KIAA1328: variants seen among roughly 807,000 people sequenced by gnomAD.
KIAA1328 encodes KIAA1328.
Under a neutral mutation model 68.1 loss-of-function variants are expected in KIAA1328, and 52 were observed. That is an observed-to-expected ratio of 0.76 (90% confidence interval 0.61 to 0.96). The LOEUF (loss-of-function observed/expected upper bound fraction) is 0.96, where lower values mean the gene tolerates loss of function less well. Among genes scored for constraint, KIAA1328 ranks in the 40% least tolerant of loss-of-function variants. The pLI, the probability that KIAA1328 is intolerant of heterozygous loss-of-function variation, is 0.00. For synonymous variants in KIAA1328, 232 were observed against 239.4 expected, an observed-to-expected ratio of 0.97 and a Z score of 0.28; for missense variants, 641 against 677.6, an observed-to-expected ratio of 0.95 and a Z score of 0.60.
intron 5 of KIAA1328, among the ~76,000 whole-genome samples, chr18:36,892,310 A>G (rs747148021): frequency 1.3e-5 from 2 of 152,182 alleles, no homozygotes; most frequent in Non-Finnish European, 2.9e-5. Flanking sequence ...CAGATGTTCT[A>G]GTCTTTGAAA....
chr18:37,080,498 C>T (rs956609614), intron 7 of KIAA1328, among the ~76,000 whole-genome samples: 2 of 152,130 alleles, frequency 1.3e-5, no homozygotes, highest in Non-Finnish European at 1.5e-5. Flanking sequence ...CATGCTGGGC[C>T]GGGCGCGGTG....
At chr18:37,092,369 T>C (rs1406973914) in intron 7 of KIAA1328, among the ~76,000 whole-genome samples, 1 of 151,894 alleles carries the variant, frequency 6.6e-6, no homozygotes, top group African/African-American at 2.4e-5. Flanking sequence ...TCAGCCTGTG[T>C]ATTGACCCAC....
chr18:37,101,378 C>G (rs2057610363), intron 7 of KIAA1328, among the ~76,000 whole-genome samples: 1 of 152,122 alleles, frequency 6.6e-6, no homozygotes, highest in South Asian at 2.1e-4. Context: ...ATGCACAAGC[C>G]TCAGTAGCCG....
chr18:36,835,910 C>A (rs573387858), intron 3 of KIAA1328, among the ~76,000 whole-genome samples: 1 of 152,156 alleles, frequency 6.6e-6, no homozygotes, highest in African/African-American at 2.4e-5. Flanking sequence ...GATGTCTACA[C>A]AAAACTTGTA....
intron 7 of KIAA1328, among the ~76,000 whole-genome samples, chr18:37,118,957 G>C (rs2058196131): frequency 6.6e-6 from 1 of 152,178 alleles, no homozygotes; most frequent in Admixed American, 6.5e-5. Context: ...TCTTCAGAAA[G>C]ACATTTCACC....
chr18:37,127,046 A>T (rs567166888), intron 7 of KIAA1328, among the ~76,000 whole-genome samples: 1 of 152,204 alleles, frequency 6.6e-6, no homozygotes, highest in African/African-American at 2.4e-5. Flanking sequence ...CACTCTATTG[A>T]CTTCTATTCG....
At chr18:37,025,907 A>T (rs1159403926) in intron 6 of KIAA1328, among the ~76,000 whole-genome samples, 1 of 152,120 alleles carries the variant, frequency 6.6e-6, no homozygotes, top group Non-Finnish European at 1.5e-5. Flanking sequence ...GACACAAAAA[A>T]CCCTTCAAAA....
At chr18:37,180,637 G>GTT (rs34168716) in intron 9 of KIAA1328, among the ~76,000 whole-genome samples, 37,748 of 149,008 alleles carry the variant, frequency 0.25, 7,522 homozygotes, top group African/African-American at 0.56. Flanking sequence ...TAACAAAACC[G>GTT]TTTTTTTTTT....
At chr18:36,855,931 T>A (rs1042618976) in intron 4 of KIAA1328, among the ~76,000 whole-genome samples, 1 of 152,088 alleles carries the variant, frequency 6.6e-6, no homozygotes, top group Non-Finnish European at 1.5e-5. Flanking sequence ...CCTTTCATTT[T>A]TGAAGGATAG....
At chr18:37,183,180 G>A (rs981324762) in intron 9 of KIAA1328, among the ~76,000 whole-genome samples, 8 of 151,978 alleles carry the variant, frequency 5.3e-5, no homozygotes, top group Non-Finnish European at 1.0e-4. Flanking sequence ...TTTTTTTTGG[G>A]ATATCTGTTT....
intron 6 of KIAA1328, among the ~76,000 whole-genome samples, chr18:36,972,429 C>T (rs78610754): frequency 0.052 from 7,982 of 152,142 alleles, 247 homozygotes; most frequent in Non-Finnish European, 0.066. Context: ...TAATAATAGC[C>T]AGAAGTATTG....
chr18:36,897,093 C>T (rs2048890234), intron 5 of KIAA1328, among the ~76,000 whole-genome samples: 1 of 151,994 alleles, frequency 6.6e-6, no homozygotes, highest in South Asian at 2.1e-4. Context: ...TAATTATGCT[C>T]ATGAAATAAT....
At chr18:37,029,712 T>C (rs1192706738) in intron 6 of KIAA1328, among the ~76,000 whole-genome samples, 1 of 152,206 alleles carries the variant, frequency 6.6e-6, no homozygotes, top group Admixed American at 6.5e-5. Flanking sequence ...TTTTGTCTGG[T>C]TTGGGATGAG....
chr18:37,064,472 AGCTAGCTATTTC>A, intron 6 of KIAA1328, among the ~76,000 whole-genome samples: 1 of 151,816 alleles, frequency 6.6e-6, no homozygotes, highest in Non-Finnish European at 1.5e-5. Flanking sequence ...TCTGTGGAGT[AGCTAGCTATTTC>A]AATTGTTTTA....
At chr18:36,912,436 G>T (rs190984886) in intron 5 of KIAA1328, among the ~76,000 whole-genome samples, 16 of 152,158 alleles carry the variant, frequency 1.1e-4, no homozygotes, top group Non-Finnish European at 2.2e-4. Context: ...CTATTATAAG[G>T]ACTCCTGTAA....
chr18:37,221,854 C>G (rs1239044358), intron 9 of KIAA1328, among the ~76,000 whole-genome samples, 163 bp from the exon 10 acceptor site: 1 of 152,166 alleles, frequency 6.6e-6, no homozygotes, highest in African/African-American at 2.4e-5. Flanking sequence ...TTCTTCAAGT[C>G]CTTCTGGTGT....
intron 9 of KIAA1328, among the ~76,000 whole-genome samples, chr18:37,202,738 A>G (rs1386278028): frequency 1.3e-5 from 2 of 152,176 alleles, no homozygotes; most frequent in Non-Finnish European, 1.5e-5. Context: ...TGGAATGCAT[A>G]TTAATAACAT....
chr18:37,144,540 T>G (rs775663636), intron 7 of KIAA1328, among the ~76,000 whole-genome samples: 1 of 152,122 alleles, frequency 6.6e-6, no homozygotes, highest in Non-Finnish European at 1.5e-5. Flanking sequence ...AAGCACTGCT[T>G]CTTTTGTTGT....
chr18:37,051,913 G>A (rs772133356), intron 6 of KIAA1328, among the ~76,000 whole-genome samples: 1 of 152,022 alleles, frequency 6.6e-6, no homozygotes, highest in Non-Finnish European at 1.5e-5. Context: ...GTGGTGCTGG[G>A]TGCCTCTAAT....
Sources: gnomAD v4.1 joint callset for allele counts (sites outside exome capture counted in the v4.1 genomes callset) on GRCh38, gnomAD v4.1.1 for gene constraint, MANE v1.5 for transcripts, NCBI Gene and HGNC (gene_info 2026-07-23, HGNC 2026-07-21) for gene names.